Variants in SNX7 observed in about 807,000 individuals in gnomAD.
SNX7 encodes sorting nexin-7.
Under a neutral mutation model 48.4 loss-of-function variants are expected in SNX7, and 35 were observed. That is an observed-to-expected ratio of 0.72 (90% confidence interval 0.55 to 0.96). The LOEUF (loss-of-function observed/expected upper bound fraction) is 0.96, where lower values mean the gene tolerates loss of function less well. Ranked by LOEUF, SNX7 falls within the 40% of genes least tolerant of loss-of-function variation. The pLI is 0.00. For synonymous variants in SNX7, 190 were observed against 190.2 expected (o/e 1.00, Z 0.01); for missense variants, 553 against 548.9 (o/e 1.01, Z -0.07).
intron 7 of SNX7, among the ~76,000 whole-genome samples, chr1:98,730,573 A>G (rs1363301958): frequency 6.6e-6 from 1 of 152,080 alleles, no homozygotes; most frequent in Non-Finnish European, 1.5e-5. Flanking sequence ...ATACAAATAA[A>G]TGTGCGGAAA....
At chr1:98,721,214 A>G (rs1025038729) in intron 7 of SNX7, among the ~76,000 whole-genome samples, 4 of 152,104 alleles carry the variant, frequency 2.6e-5, no homozygotes, top group Non-Finnish European at 5.9e-5. Flanking sequence ...TTGGATTTTC[A>G]GATTAGGAAT....
chr1:98,737,197 A>G (rs1653825809), intron 7 of SNX7, among the ~76,000 whole-genome samples: 1 of 151,618 alleles, frequency 6.6e-6, no homozygotes, highest in Non-Finnish European at 1.5e-5. Context: ...ATGTGTTTCC[A>G]CTGAGAGTCC....
chr1:98,707,253 C>T (rs1213350257), intron 7 of SNX7, among the ~76,000 whole-genome samples: 2 of 152,040 alleles, frequency 1.3e-5, no homozygotes, highest in Non-Finnish European at 2.9e-5. Context: ...TAGGGTCATC[C>T]AACTTTTTAA....
intron 1 of SNX7, 140 bp downstream of exon 1, chr1:98,662,051 C>T: frequency 4.2e-6 from 4 of 949,846 alleles, no homozygotes; most frequent in African/African-American, 3.4e-5. Flanking sequence ...GTCCCCCGGG[C>T]TGCTGGACCC....
chr1:98,678,153 G>A (rs1190373192), intron 1 of SNX7, among the ~76,000 whole-genome samples: 1 of 152,128 alleles, frequency 6.6e-6, no homozygotes, highest in Non-Finnish European at 1.5e-5. Context: ...CCTGTAGTGA[G>A]GGCTTTAGGC....
At chr1:98,669,016 T>C (rs1411257913) in intron 1 of SNX7, among the ~76,000 whole-genome samples, 21 of 152,230 alleles carry the variant, frequency 1.4e-4, no homozygotes, top group Admixed American at 1.3e-3. Context: ...GTAAGAGCAG[T>C]GGAAAGTCTT....
At chr1:98,697,642 A>G (rs539732779) in intron 5 of SNX7, among the ~76,000 whole-genome samples, 1 of 152,286 alleles carries the variant, frequency 6.6e-6, no homozygotes, top group East Asian at 1.9e-4. Context: ...ATATTTATTG[A>G]ACTCATTACA....
At chr1:98,691,754 G>A in intron 4 of SNX7, 55 bp downstream of exon 4, 1 of 1,355,378 alleles carries the variant, frequency 7.4e-7, no homozygotes. Context: ...ATCTATAGTA[G>A]ATTGTATTGT....
chr1:98,674,669 C>A (rs141719964), intron 1 of SNX7, among the ~76,000 whole-genome samples: 1 of 152,146 alleles, frequency 6.6e-6, no homozygotes, highest in Non-Finnish European at 1.5e-5. Flanking sequence ...TTATAATAAA[C>A]CCCGAGTAAC....
chr1:98,751,876 G>A (rs1475672212), intron 8 of SNX7, among the ~76,000 whole-genome samples: 1 of 152,088 alleles, frequency 6.6e-6, no homozygotes, highest in East Asian at 1.9e-4. Flanking sequence ...TGGAACTCCT[G>A]TTGTTCTTGG....
At chr1:98,709,932 A>G (rs1045433487) in intron 7 of SNX7, among the ~76,000 whole-genome samples, 2 of 152,176 alleles carry the variant, frequency 1.3e-5, no homozygotes. Flanking sequence ...TATATGGAAT[A>G]TGGAATCTAA....
In SNX7 at chr1:98,725,713, A is replaced by T. The variant is rs1158354279; in HGVS notation, c.1126-12524A>T. Among the ~76,000 whole-genome samples the T allele has an allele frequency of 5.3e-5, 8 of 152,008 alleles. No individual in the cohort carries two copies. The South Asian group carries it at 1.7e-3, about 31-fold the overall frequency. On this transcript the variant is annotated intron_variant, in intron 7 of 8. Transcript: ENST00000306121. ...ACATCCATTTGCATATTTTTGTCTTAGGGTATTTACATTCCATAATTTGCA... is the reference window on the plus strand; with the variant it reads ...ACATCCATTTGCATATTTTTGTCTTTGGGTATTTACATTCCATAATTTGCA...
At chr1:98,677,547 G>A (rs1650229360) in intron 1 of SNX7, among the ~76,000 whole-genome samples, 1 of 152,150 alleles carries the variant, frequency 6.6e-6, no homozygotes, top group Admixed American at 6.6e-5. Context: ...ATATGGAAAA[G>A]GGAAAGGCTA....
At chr1:98,679,981 G>T (rs1002595487) in intron 1 of SNX7, among the ~76,000 whole-genome samples, 20 of 152,220 alleles carry the variant, frequency 1.3e-4, no homozygotes, top group Admixed American at 4.6e-4. Context: ...TAGGGACTCT[G>T]TGTGGGGGCT....
At chr1:98,663,493 G>A (rs1185481427) in intron 1 of SNX7, among the ~76,000 whole-genome samples, 2 of 151,946 alleles carry the variant, frequency 1.3e-5, no homozygotes. Flanking sequence ...GCAGATCCAA[G>A]GTGAAGCTAA....
intron 7 of SNX7, among the ~76,000 whole-genome samples, chr1:98,718,386 C>G (rs2101002099): frequency 6.6e-6 from 1 of 152,158 alleles, no homozygotes; most frequent in Admixed American, 6.6e-5. Context: ...AAAAGGAACT[C>G]AGAGTCTCCA....
intron 1 of SNX7, among the ~76,000 whole-genome samples, chr1:98,666,406 G>A (rs571769193): frequency 3.9e-5 from 6 of 152,238 alleles, no homozygotes; most frequent in Admixed American, 6.5e-5. Flanking sequence ...AGCTACTGCC[G>A]GAAACGTGCC....
intron 1 of SNX7, 28 bp from the exon 2 acceptor site, chr1:98,684,857 A>T: frequency 7.0e-7 from 1 of 1,424,484 alleles, no homozygotes. Flanking sequence ...TTCTATTGAT[A>T]CTAATTTTTG....
At chr1:98,713,643 T>C (rs979737053) in intron 7 of SNX7, among the ~76,000 whole-genome samples, 2 of 152,200 alleles carry the variant, frequency 1.3e-5, no homozygotes, top group Non-Finnish European at 2.9e-5. Context: ...TAAGAGATGC[T>C]CAATTCTTTC....
Sources: allele counts gnomAD v4.1 joint callset (sites outside exome capture counted in the v4.1 genomes callset), GRCh38; gene constraint gnomAD v4.1.1; transcripts MANE v1.5; gene names NCBI Gene and HGNC (gene_info 2026-07-23, HGNC 2026-07-21).